Variants in MAEA observed in about 807,000 individuals in gnomAD.
The protein encoded by MAEA is E3 ubiquitin-protein transferase MAEA.
In MAEA, 22 loss-of-function variants were observed where a neutral mutation model predicts 46.2. The ratio of observed to expected loss-of-function variants is 0.48; its 90% CI spans 0.34 to 0.68. The LOEUF is 0.68. Ranked by LOEUF, MAEA falls within the 30% of genes least tolerant of loss-of-function variation. The pLI is 0.01. For synonymous variants in MAEA, 246 were observed against 222.6 expected (o/e 1.11, Z -0.94); for missense variants, 393 against 558.1 (o/e 0.70, Z 2.98).
chr4:1,328,641 G>A (rs1739148249), intron 5 of MAEA: 2 of 1,271,228 alleles, frequency 1.6e-6, no homozygotes, highest in South Asian at 1.3e-5. Context: ...CAGTGGGCCG[G>A]GTGGCCGAGT....
chr4:1,299,047 A>T (rs899730407), intron 1 of MAEA, among the ~76,000 whole-genome samples: 1 of 151,874 alleles, frequency 6.6e-6, no homozygotes, highest in East Asian at 1.9e-4. Context: ...GTGTCTGGCT[A>T]ATTTTTTTAT....
At chr4:1,317,362 C>T (rs1263724874) in intron 3 of MAEA, among the ~76,000 whole-genome samples, 1 of 142,384 alleles carries the variant, frequency 7.0e-6, no homozygotes, top group African/African-American at 2.8e-5. Flanking sequence ...GCCCCACACT[C>T]CGGACTCATC....
chr4:1,291,495 G>A (rs1390071546), intron 1 of MAEA, among the ~76,000 whole-genome samples: 1 of 152,232 alleles, frequency 6.6e-6, no homozygotes, highest in Non-Finnish European at 1.5e-5. Context: ...CCCTGCAGCT[G>A]AGAGAAGTCT....
At chr4:1,295,950 C>T (rs1489116876) in intron 1 of MAEA, among the ~76,000 whole-genome samples, 22 of 131,236 alleles carry the variant, frequency 1.7e-4, no homozygotes, top group Non-Finnish European at 3.0e-4. Context: ...GTGCCACCCT[C>T]GCCCGCACCT....
chr4:1,302,654 G>T (rs567448198), intron 1 of MAEA, among the ~76,000 whole-genome samples: 67 of 152,148 alleles, frequency 4.4e-4, no homozygotes, highest in African/African-American at 1.6e-3. Flanking sequence ...TAATTTTTTT[G>T]TATTTTTAGT....
chr4:1,327,749 C>G, intron 5 of MAEA, 46 bp downstream of exon 5: 1 of 1,545,704 alleles, frequency 6.5e-7, no homozygotes, highest in Non-Finnish European at 8.9e-7. Flanking sequence ...GCAGGATGTT[C>G]GGCTGCGGCC....
At chr4:1,330,310 T>G (rs866761545) in intron 5 of MAEA, 1 of 130,242 alleles carries the variant, frequency 7.7e-6, no homozygotes, top group African/African-American at 3.8e-5. Flanking sequence ...TTCTGGGTGT[T>G]TCTCTCTCTC....
In MAEA at chr4:1,291,292, C is replaced by T. The variant is rs76800082; in HGVS notation, c.69+1310C>T. ...GGCTGACAGGTGTGAGCCACGCGCCCGCCACACTAATGGTTTCGCAGTGGG... is the reference window on the plus strand; with the variant it reads ...GGCTGACAGGTGTGAGCCACGCGCCTGCCACACTAATGGTTTCGCAGTGGG... On this transcript the variant is annotated intron_variant, in intron 1 of 8. Coordinates refer to ENST00000303400, the MANE Select transcript of MAEA (RefSeq NM_001017405.3). Among the ~76,000 whole-genome samples the T allele has an allele frequency of 2.1e-3, 313 of 152,258 alleles. 4 individuals are homozygous for T. The East Asian group carries it at 0.027, about 13-fold the overall frequency.
intron 1 of MAEA, chr4:1,309,663 C>A: frequency 6.5e-7 from 1 of 1,531,646 alleles, no homozygotes. Flanking sequence ...ACCCTGAGAG[C>A]CACTGGCAGG....
rs559462233 is a variant in MAEA at position 1,305,727 on chromosome 4, GCA to G, written c.70-6250_70-6249del. ...CAGTGGCACCCACATGTGTGTGTGC[GCA>G]CGCGTGTGTGGGAGTGTGCGTGCGT... On this transcript the variant is annotated intron_variant, in intron 1 of 8. Transcript: ENST00000303400. Among the ~76,000 whole-genome samples the G allele has an allele frequency of 3.0e-3, 456 of 152,268 alleles. 5 individuals carry two copies. The highest frequency in any genetic ancestry group is 0.011 in the African/African-American group (439 of 41,552).
At chr4:1,315,372 C>T (rs575917517) in intron 2 of MAEA, 25 bp from the exon 3 acceptor site, 16 of 1,611,018 alleles carry the variant, frequency 9.9e-6, no homozygotes, top group Middle Eastern at 1.7e-4. Context: ...CTGTCCTGAA[C>T]GTGCCTCTGT....
intron 8 of MAEA, chr4:1,338,841 G>T (rs1713159821): frequency 1.5e-6 from 1 of 650,040 alleles, no homozygotes; most frequent in Non-Finnish European, 2.7e-6. Context: ...GTCGCCATTG[G>T]GACAGGGCTG....
intron 1 of MAEA, among the ~76,000 whole-genome samples, chr4:1,310,535 T>C (rs1736361689): frequency 1.3e-5 from 2 of 152,230 alleles, no homozygotes; most frequent in African/African-American, 4.8e-5. Context: ...TTAAGCGTGT[T>C]GTGTCTTGAT....
Position 1,322,271 on chromosome 4 carries a change from T to G in MAEA, c.457-110T>G, listed in dbSNP as rs574925497. 280 of 1,466,648 alleles carry G rather than the reference T, an allele frequency of 1.9e-4. 3 individuals are homozygous for G. In the South Asian group the frequency reaches 3.4e-3, roughly 18 times the overall value. 90.9% of individuals were successfully genotyped at this position (1,466,648 alleles called of 1,614,324 possible). A position where few individuals can be genotyped will look rare whatever the true frequency, so the allele number is the denominator to read the frequency against. ...CCACAGTGTGGACTGGAGATGCATC[T>G]CGAGTGGTGGCCGGTGCTGGGCCTG... On this transcript the variant is annotated intron_variant, in intron 3 of 8. Transcript: ENST00000303400.
At chr4:1,329,344 C>G in intron 5 of MAEA, 1 of 985,656 alleles carries the variant, frequency 1.0e-6, no homozygotes, top group Non-Finnish European at 1.2e-6. Context: ...CTTGTTCCCC[C>G]TGCTCTGGGT....
intron 1 of MAEA, among the ~76,000 whole-genome samples, chr4:1,291,114 C>A (rs1734064679): frequency 6.6e-6 from 1 of 152,152 alleles, no homozygotes; most frequent in African/African-American, 2.4e-5. Context: ...AGCTGGTCTT[C>A]ATAGGAAAGC....
chr4:1,304,001 G>A lies in MAEA; in HGVS notation c.70-7978G>A, dbSNP rs987030782. On this transcript the variant is annotated intron_variant, in intron 1 of 8. Coordinates refer to ENST00000303400, the MANE Select transcript of MAEA (RefSeq NM_001017405.3). Reference sequence around the variant, plus strand: ...GTGTGTAGCTCTGCACACAGGAGTCGGGAGTTTTTAGTCCAGGTCCATAGA... The same window carrying A: ...GTGTGTAGCTCTGCACACAGGAGTCAGGAGTTTTTAGTCCAGGTCCATAGA... 5.9e-5 allele frequency among the ~76,000 whole-genome samples: 9 copies of A among 151,854 alleles called. No homozygotes were observed. The East Asian group carries it at 1.6e-3, about 26-fold the overall frequency.
intron 5 of MAEA, chr4:1,332,499 G>C (rs1711968665): frequency 5.7e-6 from 2 of 352,396 alleles, no homozygotes. Context: ...AAGATGGCTT[G>C]AGCCCAGGAG....
At chr4:1,297,454 C>T (rs1734847816) in intron 1 of MAEA, among the ~76,000 whole-genome samples, 1 of 150,492 alleles carries the variant, frequency 6.6e-6, no homozygotes, top group South Asian at 2.1e-4. Flanking sequence ...TGAAAAAGTA[C>T]GTGCGTATGT....
Sources: gnomAD v4.1 joint callset for allele counts (sites outside exome capture counted in the v4.1 genomes callset) on GRCh38, gnomAD v4.1.1 for gene constraint, MANE v1.5 for transcripts, NCBI Gene and HGNC (gene_info 2026-07-23, HGNC 2026-07-21) for gene names.